The following GSN variants were observed in gnomAD, a reference collection of about 807,000 sequenced individuals.
The protein encoded by GSN is actin-depolymerizing factor.
A neutral mutation model predicts 85.7 loss-of-function variants in GSN; 56 were observed. That is an observed-to-expected ratio of 0.65 (90% CI 0.53 to 0.82). GSN has a LOEUF of 0.82. GSN is among the 40% of genes least tolerant of loss of function. The probability of loss-of-function intolerance (pLI) is 0.00; values close to 1 mark genes in which losing one functional copy is unlikely to be tolerated. For missense variants in GSN, 857 were observed against 979.8 expected (o/e 0.87, Z 1.67); for synonymous variants, 373 against 399.1 (o/e 0.93, Z 0.78).
At chr9:121,238,368 G>A (rs2054538692) in intron 5 of GSN, among the ~76,000 whole-genome samples, 1 of 152,184 alleles carries the variant, frequency 6.6e-6, no homozygotes, top group Non-Finnish European at 1.5e-5. Flanking sequence ...GACTAGACTG[G>A]CTTAGTCTTC....
chr9:121,237,387 C>A (rs555337771), intron 5 of GSN, among the ~76,000 whole-genome samples: 1 of 152,208 alleles, frequency 6.6e-6, no homozygotes, highest in African/African-American at 2.4e-5. Context: ...CATAGTGAGA[C>A]CCTGTCTCTA....
chr9:121,276,087 A>G (rs1176648982), intron 1 of GSN, among the ~76,000 whole-genome samples: 7 of 152,256 alleles, frequency 4.6e-5, no homozygotes. Context: ...TGCGAATTCA[A>G]GTGTGAGAAG....
intron 6 of GSN, among the ~76,000 whole-genome samples, chr9:121,257,886 A>T (rs56400619): frequency 2.3e-3 from 345 of 152,292 alleles, no homozygotes; most frequent in African/African-American, 8.0e-3. Flanking sequence ...AAAACAAAAA[A>T]ATGAAACAAA....
At chr9:121,282,485 A>G in intron 2 of GSN, 1 of 1,259,086 alleles carries the variant, frequency 7.9e-7, no homozygotes, top group Non-Finnish European at 1.0e-6. Context: ...GCTGTGGCCC[A>G]GCTGGCTTCC....
At chr9:121,223,463 CAG>C (rs2054210553) in intron 4 of GSN, among the ~76,000 whole-genome samples, 1 of 152,056 alleles carries the variant, frequency 6.6e-6, no homozygotes, top group South Asian at 2.1e-4. Context: ...CTAGACAACA[CAG>C]AGTATGCCAT....
At chr9:121,306,276 T>G (rs1266842003) in intron 4 of GSN, among the ~76,000 whole-genome samples, 1 of 152,222 alleles carries the variant, frequency 6.6e-6, no homozygotes, top group African/African-American at 2.4e-5. Flanking sequence ...CTCCTATTCC[T>G]TAGATAAGGA....
At position 121,329,984 on chromosome 9, in the gene GSN, G is replaced by A. The variant is rs866100447; in HGVS notation, c.1965+669G>A. On this transcript the variant is annotated intron_variant, in intron 16 of 17. Coordinates refer to ENST00000432226, the MANE Select transcript of GSN (RefSeq NM_198252.3). This position sits in a 1 kb window ranked among gnomAD's most constrained non-coding sequence, Gnocchi z 4.6. ...CTTCTCCCAGAGTCCTCAGAGTTAC[G>A]GAGCAGCTGGCCACGAAGGCATAAG... Among the ~76,000 whole-genome samples the A allele has an allele frequency of 6.6e-6, 1 of 152,274 alleles. No homozygotes were observed. The highest frequency in any genetic ancestry group is 2.4e-5 in the African/African-American group (1 of 41,518).
chr9:121,323,950 A>G (rs1213856072), intron 11 of GSN, among the ~76,000 whole-genome samples: 2 of 152,174 alleles, frequency 1.3e-5, no homozygotes, highest in Non-Finnish European at 2.9e-5. Flanking sequence ...TAGCTGCATC[A>G]GCGCATTAAT....
intron 2 of GSN, chr9:121,286,044 C>T: frequency 7.1e-7 from 1 of 1,413,150 alleles, no homozygotes; most frequent in Non-Finnish European, 9.7e-7. Context: ...GTTGGCTTGG[C>T]ACAGCTATTT....
chr9:121,215,675 C>G (rs1485563780), intron 4 of GSN, among the ~76,000 whole-genome samples: 1 of 150,174 alleles, frequency 6.7e-6, no homozygotes, highest in Non-Finnish European at 1.5e-5. Context: ...GCCTGAGTGA[C>G]AGAGTAAGAC....
At chr9:121,305,288 G>A (rs137902910) in intron 4 of GSN, among the ~76,000 whole-genome samples, 2 of 152,292 alleles carry the variant, frequency 1.3e-5, no homozygotes, top group African/African-American at 4.8e-5. Flanking sequence ...AGGAAGCTGA[G>A]GCTCAGAGGA....
intron 5 of GSN, among the ~76,000 whole-genome samples, chr9:121,237,910 A>C (rs2054528281): frequency 6.6e-6 from 1 of 152,246 alleles, no homozygotes. Context: ...CTGAAGACCC[A>C]GGTTTTCTGA....
intron 4 of GSN, among the ~76,000 whole-genome samples, chr9:121,306,891 T>G (rs1023804053): frequency 6.6e-6 from 1 of 152,306 alleles, no homozygotes; most frequent in Middle Eastern, 3.4e-3. Flanking sequence ...TCAAGAGTTA[T>G]GTTATAAGGC....
At chr9:121,306,445 A>G (rs960885452) in intron 4 of GSN, among the ~76,000 whole-genome samples, 1 of 152,270 alleles carries the variant, frequency 6.6e-6, no homozygotes, top group Non-Finnish European at 1.5e-5. Context: ...AATGTCAAAC[A>G]TTACAGAAAT....
chr9:121,290,591 G>A (rs752882871), intron 2 of GSN, among the ~76,000 whole-genome samples: 1 of 152,084 alleles, frequency 6.6e-6, no homozygotes, highest in Non-Finnish European at 1.5e-5. Context: ...TATATAACGC[G>A]ATGTTATGAA....
chr9:121,313,806 G>A, intron 6 of GSN, 128 bp from the exon 7 acceptor site: 1 of 766,602 alleles, frequency 1.3e-6, no homozygotes, highest in Non-Finnish European at 2.3e-6. Flanking sequence ...TGTGTCTGGA[G>A]GAGGTCAGAC....
At chr9:121,312,598 C>A in intron 6 of GSN, 110 bp downstream of exon 6, 1 of 793,454 alleles carries the variant, frequency 1.3e-6, no homozygotes, top group Non-Finnish European at 1.9e-6. Context: ...AACTTCCGCT[C>A]TACCCCACCT....
intron 4 of GSN, among the ~76,000 whole-genome samples, chr9:121,223,817 G>A (rs1365127793): frequency 1.3e-5 from 2 of 151,706 alleles, no homozygotes; most frequent in Non-Finnish European, 2.9e-5. Flanking sequence ...GTGCCACCAC[G>A]CCGGCTAAAT....
intron 4 of GSN, among the ~76,000 whole-genome samples, chr9:121,224,937 G>C (rs1433535954): frequency 6.6e-6 from 1 of 152,042 alleles, no homozygotes; most frequent in Non-Finnish European, 1.5e-5. Flanking sequence ...TCCTATCTGA[G>C]CCTCCAGAGT....
Sources: allele counts gnomAD v4.1 joint callset (sites outside exome capture counted in the v4.1 genomes callset), GRCh38; gene constraint gnomAD v4.1.1; non-coding constraint Gnocchi (gnomAD v3.1); transcripts MANE v1.5; gene names NCBI Gene and HGNC (gene_info 2026-07-23, HGNC 2026-07-21).